The following CACNG3 variants were observed in gnomAD, a reference collection of about 807,000 sequenced individuals.
The protein encoded by CACNG3 is voltage-dependent calcium channel gamma-3 subunit.
Under a neutral mutation model 28.5 loss-of-function variants are expected in CACNG3, and 3 were observed. The ratio of observed to expected loss-of-function variants is 0.11; its 90% CI spans 0.05 to 0.27. The LOEUF is 0.27. Among genes scored for constraint, CACNG3 ranks in the 10% least tolerant of loss-of-function variants. CACNG3 has a pLI of 1.00. For synonymous variants in CACNG3, 174 were observed against 162.2 expected (o/e 1.07, Z -0.55); for missense variants, 236 against 414.4 (o/e 0.57, Z 3.74).
intron 1 of CACNG3, among the ~76,000 whole-genome samples, chr16:24,332,606 C>T (rs1899645689): frequency 6.6e-6 from 1 of 152,190 alleles, no homozygotes; most frequent in African/African-American, 2.4e-5. Flanking sequence ...TTGCTATACC[C>T]TAAGTGCTTC....
intron 2 of CACNG3, among the ~76,000 whole-genome samples, chr16:24,349,771 T>C (rs1369513141): frequency 6.6e-6 from 1 of 152,198 alleles, no homozygotes; most frequent in Non-Finnish European, 1.5e-5. Flanking sequence ...CTGTATCTTG[T>C]GTTGACCCCC....
At chr16:24,347,611 A>T (rs1333776448) in intron 2 of CACNG3, among the ~76,000 whole-genome samples, 1 of 152,202 alleles carries the variant, frequency 6.6e-6, no homozygotes, top group African/African-American at 2.4e-5. Flanking sequence ...GAATAAATAC[A>T]AACCCAAGTT....
At chr16:24,321,244 A>G (rs1046762309) in intron 1 of CACNG3, among the ~76,000 whole-genome samples, 5 of 152,042 alleles carry the variant, frequency 3.3e-5, no homozygotes, top group Admixed American at 6.6e-5. Context: ...CTGAGGCGGG[A>G]GGATCACTTG....
At chr16:24,267,804 G>A (rs1462707488) in intron 1 of CACNG3, among the ~76,000 whole-genome samples, 1 of 151,900 alleles carries the variant, frequency 6.6e-6, no homozygotes, top group Admixed American at 6.6e-5. Context: ...CAAGTAGCTG[G>A]GACTACAGAT....
intron 1 of CACNG3, among the ~76,000 whole-genome samples, chr16:24,340,404 A>G (rs538768930): frequency 2.0e-4 from 30 of 152,298 alleles, no homozygotes; most frequent in African/African-American, 7.0e-4. Flanking sequence ...TCTCAAAATA[A>G]ATAAATAAAA....
At chr16:24,335,236 A>G (rs1899686583) in intron 1 of CACNG3, among the ~76,000 whole-genome samples, 1 of 152,124 alleles carries the variant, frequency 6.6e-6, no homozygotes, top group Admixed American at 6.6e-5. Flanking sequence ...CCTGGCCAAC[A>G]TGGTGAAACG....
intron 1 of CACNG3, among the ~76,000 whole-genome samples, chr16:24,310,882 A>C (rs1466371127): frequency 6.6e-6 from 1 of 152,180 alleles, no homozygotes; most frequent in Non-Finnish European, 1.5e-5. Flanking sequence ...GGCTCCCCGC[A>C]TCCTTCCCTG....
intron 1 of CACNG3, among the ~76,000 whole-genome samples, chr16:24,264,940 T>C (rs969414346): frequency 1.3e-5 from 2 of 152,178 alleles, no homozygotes; most frequent in Non-Finnish European, 1.5e-5. Flanking sequence ...CTCAGAAATT[T>C]TAACAGTTGA....
At chr16:24,303,688 C>T (rs1180784096) in intron 1 of CACNG3, among the ~76,000 whole-genome samples, 1 of 152,148 alleles carries the variant, frequency 6.6e-6, no homozygotes. Flanking sequence ...GAGGCGGAGA[C>T]AGGTGGATCA....
rs147035142 is a variant in CACNG3 at position 24,299,926 on chromosome 16, A to G, written c.211+42961A>G. Among the ~76,000 whole-genome samples the G allele has an allele frequency of 4.0e-5, 6 of 150,772 alleles. 1 individual carries two copies. The Admixed American group carries it at 4.0e-4, about 10-fold the overall frequency. On this transcript the variant is annotated intron_variant, in intron 1 of 3. Coordinates refer to ENST00000005284, the MANE Select transcript of CACNG3 (RefSeq NM_006539.4). ...AAGTTATCTGCACATGCATGGATGCACACATGCACACGCACACACACACAC... is the reference window on the plus strand; with the variant it reads ...AAGTTATCTGCACATGCATGGATGCGCACATGCACACGCACACACACACAC...
intron 1 of CACNG3, among the ~76,000 whole-genome samples, chr16:24,335,892 T>C (rs923888231): frequency 2.6e-5 from 4 of 151,384 alleles, no homozygotes; most frequent in Non-Finnish European, 5.9e-5. Flanking sequence ...CTAGCCAACA[T>C]GGTGAAACCT....
chr16:24,269,270 T>A (rs952690948), intron 1 of CACNG3, among the ~76,000 whole-genome samples: 1 of 152,170 alleles, frequency 6.6e-6, no homozygotes, highest in Admixed American at 6.5e-5. Context: ...ACACCTTGAA[T>A]TTTTTTCCAG....
At chr16:24,288,774 AGGCTCCCATTTGTT>A (rs1567210969) in intron 1 of CACNG3, among the ~76,000 whole-genome samples, 1 of 152,154 alleles carries the variant, frequency 6.6e-6, no homozygotes, top group African/African-American at 2.4e-5. Context: ...TTAGAAAGCA[AGGCTCCCATTTGTT>A]GGTGGATGTT....
intron 1 of CACNG3, among the ~76,000 whole-genome samples, chr16:24,292,266 G>A (rs1209171571): frequency 6.6e-6 from 1 of 152,322 alleles, no homozygotes; most frequent in East Asian, 1.9e-4. Flanking sequence ...AACAGAGTCA[G>A]CAGGAATCCC....
chr16:24,346,646 A>G, intron 1 of CACNG3, 88 bp from the exon 2 acceptor site: 1 of 861,834 alleles, frequency 1.2e-6, no homozygotes, highest in Non-Finnish European at 1.9e-6. Context: ...AACCAGAGAA[A>G]GGATCTGCAC....
chr16:24,268,227 G>T (rs926325887), intron 1 of CACNG3, among the ~76,000 whole-genome samples: 1 of 152,114 alleles, frequency 6.6e-6, no homozygotes, highest in African/African-American at 2.4e-5. Flanking sequence ...GCATAAACAG[G>T]CTAAATTGAG....
chr16:24,354,521 A>G (rs1284775134), intron 2 of CACNG3, among the ~76,000 whole-genome samples: 1 of 152,184 alleles, frequency 6.6e-6, no homozygotes, highest in Non-Finnish European at 1.5e-5. Context: ...TAGAGAGTGG[A>G]GTTCCACATA....
chr16:24,266,817 A>T (rs918766459), intron 1 of CACNG3, among the ~76,000 whole-genome samples: 4 of 152,154 alleles, frequency 2.6e-5, no homozygotes, highest in Non-Finnish European at 5.9e-5. Flanking sequence ...TTCCAGGGCA[A>T]GTCTGCCCTT....
chr16:24,301,223 G>C (rs544459278), intron 1 of CACNG3, among the ~76,000 whole-genome samples: 3 of 145,522 alleles, frequency 2.1e-5, no homozygotes, highest in Non-Finnish European at 4.5e-5. Context: ...AAAAAAAAAA[G>C]CATATGAGCT....
Sources: gnomAD v4.1 joint callset for allele counts (sites outside exome capture counted in the v4.1 genomes callset) on GRCh38, gnomAD v4.1.1 for gene constraint, MANE v1.5 for transcripts, NCBI Gene and HGNC (gene_info 2026-07-23, HGNC 2026-07-21) for gene names.